FOXP1: variants seen among roughly 807,000 people sequenced by gnomAD.
FOXP1 encodes the protein forkhead box P1, also known as forkhead box protein P1.
Under a neutral mutation model 98.2 loss-of-function variants are expected in FOXP1, and 15 were observed. The ratio of observed to expected loss-of-function variants is 0.15; its 90% CI spans 0.10 to 0.24. The LOEUF (loss-of-function observed/expected upper bound fraction) is 0.24. Ranked by LOEUF, FOXP1 falls within the 10% of genes least tolerant of loss-of-function variation. The pLI, the probability that FOXP1 is intolerant of heterozygous loss-of-function variation, is 1.00. For synonymous variants in FOXP1, 371 were observed against 314.5 expected (o/e 1.18, Z -1.90); for missense variants, 633 against 848.5 (o/e 0.75, Z 3.15).
At chr3:70,960,193 C>T (rs1354321151) in intron 20 of FOXP1, among the ~76,000 whole-genome samples, 1 of 152,160 alleles carries the variant, frequency 6.6e-6, no homozygotes, top group Non-Finnish European at 1.5e-5. Flanking sequence ...CATATTTTTA[C>T]AAACTGTCAA....
At chr3:71,487,741 A>G (rs1215535927) in intron 3 of FOXP1, among the ~76,000 whole-genome samples, 2 of 152,244 alleles carry the variant, frequency 1.3e-5, no homozygotes, top group African/African-American at 4.8e-5. Context: ...TGCCCAATAC[A>G]TTAAAAGTTT....
At chr3:71,106,121 C>T (rs1017586691) in intron 7 of FOXP1, among the ~76,000 whole-genome samples, 36 of 152,148 alleles carry the variant, frequency 2.4e-4, no homozygotes, top group Admixed American at 2.4e-3. Context: ...TTTCCATCTT[C>T]CTCATCCATT....
At chr3:71,464,998 G>T (rs1302732073) in intron 3 of FOXP1, among the ~76,000 whole-genome samples, 1 of 152,116 alleles carries the variant, frequency 6.6e-6, no homozygotes, top group Non-Finnish European at 1.5e-5. Context: ...GTGAGCTATT[G>T]TAAGCACTTA....
chr3:71,044,191 G>C (rs774339447), intron 10 of FOXP1, among the ~76,000 whole-genome samples: 3 of 152,178 alleles, frequency 2.0e-5, no homozygotes, highest in Non-Finnish European at 4.4e-5. Context: ...TCACTCATCA[G>C]ACTAAATGGA....
intron 3 of FOXP1, among the ~76,000 whole-genome samples, chr3:71,472,961 T>C (rs1313644908): frequency 1.3e-5 from 2 of 152,158 alleles, no homozygotes; most frequent in African/African-American, 4.8e-5. Context: ...ACTTCTCAGA[T>C]GGGGAACCAA....
rs148992529 is a variant in FOXP1 at position 71,473,736 on chromosome 3, T to C, written c.-168+19690A>G. Among the ~76,000 whole-genome samples, 620 of 152,142 alleles carry C rather than the reference T, an allele frequency of 4.1e-3. 3 individuals carry two copies. The highest frequency in any genetic ancestry group is 0.01 in the Middle Eastern group (3 of 294). On this transcript the variant is annotated intron_variant, in intron 3 of 20. Transcript: ENST00000649528. ...AAACTGGTGATCCTCAATTGGGAGT[T>C]AGAAGGGGGTTGATATTAGGAGCTG...
intron 5 of FOXP1, among the ~76,000 whole-genome samples, chr3:71,212,211 T>C (rs1161418527): frequency 2.0e-5 from 3 of 152,148 alleles, no homozygotes; most frequent in Non-Finnish European, 4.4e-5. Flanking sequence ...GTAATGCGAA[T>C]TGGTGAATGA....
chr3:71,398,948 C>T (rs1050723724), intron 3 of FOXP1, among the ~76,000 whole-genome samples: 1 of 152,266 alleles, frequency 6.6e-6, no homozygotes, highest in South Asian at 2.1e-4. Flanking sequence ...GCACAGCAGG[C>T]AGTAATGGCA....
chr3:71,484,153 T>C (rs1315310138), intron 3 of FOXP1, among the ~76,000 whole-genome samples: 1 of 152,238 alleles, frequency 6.6e-6, no homozygotes, highest in Non-Finnish European at 1.5e-5. Flanking sequence ...TTAATATGCA[T>C]ATCCATAGTC....
At chr3:71,001,845 A>G (rs148096463) in intron 12 of FOXP1, among the ~76,000 whole-genome samples, 206 of 152,350 alleles carry the variant, frequency 1.4e-3, no homozygotes, top group Non-Finnish European at 2.7e-3. Flanking sequence ...AAGTCTTGAA[A>G]ATAAAAATTC....
chr3:71,394,017 C>T (rs1376390493), intron 3 of FOXP1, among the ~76,000 whole-genome samples: 1 of 152,156 alleles, frequency 6.6e-6, no homozygotes, highest in African/African-American at 2.4e-5. Flanking sequence ...TTGACACATA[C>T]AAATGTCTGC....
intron 2 of FOXP1, among the ~76,000 whole-genome samples, chr3:71,503,045 A>G (rs969082582): frequency 2.6e-5 from 4 of 152,158 alleles, no homozygotes; most frequent in Non-Finnish European, 4.4e-5. Flanking sequence ...TTATTGGAAA[A>G]GGAGTAAAAT....
chr3:71,527,208 C>CA (rs2043461633), intron 2 of FOXP1, among the ~76,000 whole-genome samples: 2 of 152,240 alleles, frequency 1.3e-5, no homozygotes, highest in Middle Eastern at 3.4e-3. Context: ...AGCAGCCAGT[C>CA]AAAACAGTAA....
At chr3:71,330,399 T>C (rs980806561) in intron 4 of FOXP1, among the ~76,000 whole-genome samples, 2 of 152,228 alleles carry the variant, frequency 1.3e-5, no homozygotes, top group African/African-American at 4.8e-5. Flanking sequence ...TAAAGCGTCA[T>C]GTCAGAAAAA....
intron 3 of FOXP1, among the ~76,000 whole-genome samples, chr3:71,422,004 A>C (rs1300373676): frequency 6.6e-6 from 1 of 152,218 alleles, no homozygotes; most frequent in Non-Finnish European, 1.5e-5. Context: ...ATTTTCAAAC[A>C]ACCCAGCCCA....
At chr3:71,361,008 G>A (rs963767410) in intron 3 of FOXP1, among the ~76,000 whole-genome samples, 1 of 152,132 alleles carries the variant, frequency 6.6e-6, no homozygotes, top group Admixed American at 6.5e-5. Context: ...TAGGTATCTG[G>A]TGTCTAGTGT....
intron 3 of FOXP1, among the ~76,000 whole-genome samples, chr3:71,445,978 G>A (rs984512168): frequency 3.3e-5 from 5 of 152,118 alleles, no homozygotes; most frequent in East Asian, 1.9e-4. Context: ...GTGAGCCACC[G>A]TGCCCGGCCT....
intron 5 of FOXP1, among the ~76,000 whole-genome samples, chr3:71,284,983 A>T (rs1468619550): frequency 1.3e-5 from 2 of 152,134 alleles, no homozygotes; most frequent in Non-Finnish European, 2.9e-5. Flanking sequence ...AATTAACTTC[A>T]TAAGAACTTT....
chr3:70,972,360 C>T, intron 18 of FOXP1, 195 bp downstream of exon 18: 1 of 907,422 alleles, frequency 1.1e-6, no homozygotes, highest in Non-Finnish European at 1.7e-6. Flanking sequence ...TGTGATGCAA[C>T]AAAGACCAGC....
Sources: allele counts gnomAD v4.1 joint callset (sites outside exome capture counted in the v4.1 genomes callset), GRCh38; gene constraint gnomAD v4.1.1; transcripts MANE v1.5; gene names NCBI Gene and HGNC (gene_info 2026-07-23, HGNC 2026-07-21).